Variants in RBFOX1 observed in about 807,000 individuals in gnomAD.
The protein encoded by RBFOX1 is RNA binding protein fox-1 homolog 1.
Under a neutral mutation model 57.7 loss-of-function variants are expected in RBFOX1, and 8 were observed. The observed-to-expected ratio is 0.14, with a 90% confidence interval of 0.08 to 0.25. RBFOX1 has a LOEUF of 0.25. Among genes scored for constraint, RBFOX1 ranks in the 10% least tolerant of loss-of-function variants. The pLI is 1.00. For synonymous variants in RBFOX1, 326 were observed against 222.4 expected (o/e 1.47, Z -4.15); for missense variants, 611 against 548.5 (o/e 1.11, Z -1.14).
Position 7,313,464 on chromosome 16 carries a change from T to G in RBFOX1, c.28-204683T>G, listed in dbSNP as rs912993629. ...CTTTCTTCTTTTTTATCTTTTTTTT[T>G]CTTTTCTTGTCTTTTTTTTTTTAAG... is the stretch of plus-strand genomic sequence containing the variant. On this transcript the variant is annotated intron_variant, in intron 4 of 15. Coordinates refer to ENST00000550418, the MANE Select transcript of RBFOX1 (RefSeq NM_018723.4). Among the ~76,000 whole-genome samples, 7 of 90,506 alleles carry G rather than the reference T, an allele frequency of 7.7e-5. No homozygotes were observed. In the East Asian group the frequency reaches 2.5e-3, roughly 33 times the overall value. 59.4% of individuals were successfully genotyped at this position (90,506 alleles called of 152,430 possible).
At chr16:6,806,880 C>G (rs2154262720) in intron 3 of RBFOX1, among the ~76,000 whole-genome samples, 1 of 110,246 alleles carries the variant, frequency 9.1e-6, no homozygotes, top group East Asian at 2.3e-4. Flanking sequence ...GTTACCCAGG[C>G]TGGAGTGCAA....
chr16:6,538,378 G>A (rs2153828542), intron 2 of RBFOX1, among the ~76,000 whole-genome samples: 1 of 152,304 alleles, frequency 6.6e-6, no homozygotes, highest in East Asian at 1.9e-4. Context: ...TGTGGTCCCA[G>A]CTACTTGGGT....
At chr16:6,910,976 G>A (rs1034777313) in intron 3 of RBFOX1, among the ~76,000 whole-genome samples, 10 of 152,080 alleles carry the variant, frequency 6.6e-5, no homozygotes, top group Admixed American at 3.9e-4. Context: ...CGAGACAGGC[G>A]GATCACTTGA....
At chr16:5,356,082 C>T (rs752460228) in intron 1 of RBFOX1, among the ~76,000 whole-genome samples, 16 of 152,136 alleles carry the variant, frequency 1.1e-4, no homozygotes, top group African/African-American at 3.6e-4. Context: ...CAGAGCGAAA[C>T]TCATTCTCAA....
intron 4 of RBFOX1, among the ~76,000 whole-genome samples, chr16:7,105,829 T>C (rs1241259099): frequency 9.2e-5 from 14 of 152,102 alleles, no homozygotes; most frequent in African/African-American, 7.2e-5. Flanking sequence ...TATCCACTCA[T>C]TTGATTGATG....
At chr16:7,283,025 C>T (rs1420028801) in intron 4 of RBFOX1, among the ~76,000 whole-genome samples, 1 of 152,116 alleles carries the variant, frequency 6.6e-6, no homozygotes, top group East Asian at 1.9e-4. Flanking sequence ...GTTGGTTCCA[C>T]ATTTTTGCAA....
At chr16:6,822,481 A>G (rs1358998035) in intron 3 of RBFOX1, among the ~76,000 whole-genome samples, 4 of 152,194 alleles carry the variant, frequency 2.6e-5, no homozygotes, top group Non-Finnish European at 5.9e-5. Context: ...TATAAATAAA[A>G]CACATGCATC....
intron 3 of RBFOX1, among the ~76,000 whole-genome samples, chr16:5,761,078 T>C (rs115239016): frequency 0.013 from 1,906 of 152,304 alleles, 37 homozygotes; most frequent in African/African-American, 0.042. Context: ...ATCCAGTTGG[T>C]AAACAGTGAA....
intron 4 of RBFOX1, among the ~76,000 whole-genome samples, chr16:7,327,980 C>T (rs908108365): frequency 2.0e-5 from 3 of 152,166 alleles, no homozygotes; most frequent in African/African-American, 2.4e-5. Context: ...CTTCCAGACA[C>T]AGCCAACACT....
intron 4 of RBFOX1, among the ~76,000 whole-genome samples, chr16:5,902,470 G>A (rs1274954907): frequency 6.6e-6 from 1 of 152,076 alleles, no homozygotes; most frequent in Admixed American, 6.6e-5. Context: ...CTGGAGCGTA[G>A]TGATGCCATC....
chr16:5,672,043 G>A (rs1429518965), intron 3 of RBFOX1, among the ~76,000 whole-genome samples: 3 of 151,944 alleles, frequency 2.0e-5, no homozygotes, highest in African/African-American at 7.3e-5. Context: ...TTTGAGAATT[G>A]GAAAAAAAGG....
At chr16:7,120,828 T>TACACACACAC (rs557348204) in intron 4 of RBFOX1, among the ~76,000 whole-genome samples, 13 of 32,546 alleles carry the variant, frequency 4.0e-4, no homozygotes, top group African/African-American at 1.2e-3. Flanking sequence ...TATATGTATA[T>TACACACACAC]ATACACACAC....
intron 3 of RBFOX1, among the ~76,000 whole-genome samples, chr16:6,840,904 A>AAAC (rs2093425627): frequency 6.9e-6 from 1 of 145,932 alleles, no homozygotes. Context: ...AAAAAAAAAA[A>AAAC]CGAAAAAAGG....
Position 5,371,181 on chromosome 16 carries a change from C to T in RBFOX1, c.220-96035C>T, listed in dbSNP as rs146792392. On this transcript the variant is annotated intron_variant, in intron 1 of 2. Transcript: ENST00000585867. ...CAGGCTAGTCTCAAACTCCTGACCTCAGGTGATCCGCCCACCTTGGCCTCC... is the reference window on the plus strand; with the variant it reads ...CAGGCTAGTCTCAAACTCCTGACCTTAGGTGATCCGCCCACCTTGGCCTCC... Among the ~76,000 whole-genome samples, 98 of 152,318 alleles carry T rather than the reference C, an allele frequency of 6.4e-4. 1 individual carries two copies. The East Asian group carries it at 0.019, about 29-fold the overall frequency.
At chr16:7,344,878 C>G (rs186979667) in intron 4 of RBFOX1, among the ~76,000 whole-genome samples, 2 of 152,348 alleles carry the variant, frequency 1.3e-5, no homozygotes, top group African/African-American at 4.8e-5. Context: ...CTTGCCCGTA[C>G]AACCGACTCT....
intron 4 of RBFOX1, among the ~76,000 whole-genome samples, chr16:7,144,417 C>CTTTTTTTTTTTT (rs1190886141): frequency 3.0e-5 from 2 of 66,914 alleles, no homozygotes; most frequent in African/African-American, 1.2e-4. Flanking sequence ...TTTCTTTCTT[C>CTTTTTTTTTTTT]TTTTTTTTTT....
At chr16:5,454,943 C>CT (rs1567535714) in intron 1 of RBFOX1, among the ~76,000 whole-genome samples, 25 of 45,748 alleles carry the variant, frequency 5.5e-4, no homozygotes, top group South Asian at 7.9e-4. Context: ...TCCTTCCTTC[C>CT]TTCCTTCCTT....
chr16:7,165,301 A>G (rs1251062325), intron 4 of RBFOX1, among the ~76,000 whole-genome samples: 1 of 151,668 alleles, frequency 6.6e-6, no homozygotes, highest in Non-Finnish European at 1.5e-5. Context: ...CTTGCTCACA[A>G]GCCATGCACC....
intron 4 of RBFOX1, among the ~76,000 whole-genome samples, chr16:7,062,922 T>TTTTTTTTTTC (rs2054909051): frequency 8.3e-6 from 1 of 120,402 alleles, no homozygotes; most frequent in African/African-American, 2.9e-5. Context: ...TTTTTTTTTT[T>TTTTTTTTTTC]TTTTTTGCTG....
Sources: allele counts gnomAD v4.1 joint callset (sites outside exome capture counted in the v4.1 genomes callset), GRCh38; gene constraint gnomAD v4.1.1; transcripts MANE v1.5; gene names NCBI Gene and HGNC (gene_info 2026-07-23, HGNC 2026-07-21).